NKAIN3: variants seen among roughly 807,000 people sequenced by gnomAD.
NKAIN3 encodes sodium/potassium-transporting ATPase subunit beta-1-interacting protein 3.
In NKAIN3, 25 loss-of-function variants were observed where a neutral mutation model predicts 30.2. That is an observed-to-expected ratio of 0.83 (90% CI 0.60 to 1.16). NKAIN3 has a LOEUF of 1.16. Ranked by LOEUF, NKAIN3 falls within the 50% of genes most tolerant of loss-of-function variation. The pLI is 0.00. For missense variants in NKAIN3, 225 were observed against 254.1 expected (o/e 0.89, Z 0.78); for synonymous variants, 91 against 89.6 (o/e 1.02, Z -0.09).
chr8:62,489,145 T>C (rs889454533), intron 1 of NKAIN3, among the ~76,000 whole-genome samples: 2 of 151,824 alleles, frequency 1.3e-5, no homozygotes. Context: ...GCCTCCCAAG[T>C]AGCTGGGACT....
At chr8:62,721,091 C>T (rs1815073912) in intron 3 of NKAIN3, among the ~76,000 whole-genome samples, 1 of 152,166 alleles carries the variant, frequency 6.6e-6, no homozygotes, top group South Asian at 2.1e-4. Context: ...ACACATGCTA[C>T]TCTATTCATT....
intron 1 of NKAIN3, among the ~76,000 whole-genome samples, chr8:62,274,843 GTGTT>G (rs1462899163): frequency 6.6e-6 from 1 of 150,842 alleles, no homozygotes; most frequent in Non-Finnish European, 1.5e-5. Flanking sequence ...AGAACATGCA[GTGTT>G]TGGTTTTTTG....
At chr8:62,571,326 G>A (rs1448598773) in intron 1 of NKAIN3, among the ~76,000 whole-genome samples, 1 of 152,004 alleles carries the variant, frequency 6.6e-6, no homozygotes, top group African/African-American at 2.4e-5. Flanking sequence ...AGTAGACCAG[G>A]GGTTTCACCA....
intron 5 of NKAIN3, among the ~76,000 whole-genome samples, chr8:62,996,958 C>T (rs763613210): frequency 5.9e-5 from 9 of 152,076 alleles, no homozygotes; most frequent in Non-Finnish European, 1.2e-4. Flanking sequence ...TCCAGGCACA[C>T]GGTGCAAGCT....
intron 3 of NKAIN3, among the ~76,000 whole-genome samples, chr8:62,665,445 T>TGATA (rs1264271808): frequency 1.8e-4 from 28 of 152,156 alleles, no homozygotes; most frequent in Non-Finnish European, 4.4e-5. Flanking sequence ...GTCCCACCAA[T>TGATA]GTGTTCACAC....
chr8:62,293,877 G>A (rs1813736030), intron 1 of NKAIN3, among the ~76,000 whole-genome samples: 1 of 152,270 alleles, frequency 6.6e-6, no homozygotes, highest in Admixed American at 6.5e-5. Context: ...AGCTGCAGTG[G>A]GCTCCACCCA....
chr8:62,437,186 A>G (rs953408734), intron 1 of NKAIN3, among the ~76,000 whole-genome samples: 2 of 152,138 alleles, frequency 1.3e-5, no homozygotes, highest in Non-Finnish European at 2.9e-5. Flanking sequence ...CTAAAAGTAT[A>G]TGAAAAGTCC....
chr8:62,753,806 C>T lies in NKAIN3; in HGVS notation c.471+6677C>T, dbSNP rs1333820510. On this transcript the variant is annotated intron_variant, in intron 4 of 6. Transcript: ENST00000623646. Reference sequence around the variant, plus strand: ...TAATTCAACAGAAAGAAACAGCTACCTGCATTATGTTCATTTCAGTGTTAT... The same window carrying T: ...TAATTCAACAGAAAGAAACAGCTACTTGCATTATGTTCATTTCAGTGTTAT... Among the ~76,000 whole-genome samples the T allele has an allele frequency of 2.0e-5, 3 of 152,102 alleles. No homozygotes were observed. The East Asian group carries it at 5.8e-4, about 29-fold the overall frequency.
At chr8:62,617,661 C>A (rs890546824) in intron 3 of NKAIN3, among the ~76,000 whole-genome samples, 3 of 152,148 alleles carry the variant, frequency 2.0e-5, no homozygotes, top group Non-Finnish European at 4.4e-5. Flanking sequence ...TAATTTAATC[C>A]TGGTCAGCCA....
intron 1 of NKAIN3, among the ~76,000 whole-genome samples, chr8:62,272,784 G>A (rs1812817755): frequency 6.6e-6 from 1 of 152,168 alleles, no homozygotes; most frequent in Admixed American, 6.6e-5. Context: ...AACACGTACA[G>A]CCCTAGCGGT....
At chr8:62,786,294 A>G (rs1026298049) in intron 4 of NKAIN3, among the ~76,000 whole-genome samples, 3 of 152,180 alleles carry the variant, frequency 2.0e-5, no homozygotes, top group Non-Finnish European at 4.4e-5. Flanking sequence ...AACACATTTA[A>G]CAGTATAGTA....
chr8:62,966,577 C>T lies in NKAIN3; in HGVS notation c.*1170C>T, dbSNP rs1444364530. On this transcript the variant is annotated 3_prime_UTR_variant, in exon 7 of 7. Coordinates refer to ENST00000623646, the MANE Select transcript of NKAIN3 (RefSeq NM_001304533.3). ...TCACTTTAAAAAATTCCCTTATGCC[C>T]TCTTTCAGGCAATGCCTACATTCTC... 6.1e-6 allele frequency: 1 copy of T among 164,688 alleles called. No individual in the cohort carries two copies. Among genetic ancestry groups the T allele is most frequent in the African/African-American group, 2.4e-5 (1 of 41,692 alleles). 10.2% of individuals were successfully genotyped at this position (164,688 alleles called of 1,614,324 possible). A position where few individuals can be genotyped will look rare whatever the true frequency, so the allele number is the denominator to read the frequency against.
chr8:62,303,260 A>T (rs1285949836), intron 1 of NKAIN3, among the ~76,000 whole-genome samples: 1 of 149,238 alleles, frequency 6.7e-6, no homozygotes, highest in African/African-American at 2.6e-5. Flanking sequence ...GGAATGATCC[A>T]CAGTGTGAGC....
intron 3 of NKAIN3, among the ~76,000 whole-genome samples, chr8:62,639,360 A>C (rs1453743429): frequency 6.6e-6 from 1 of 152,156 alleles, no homozygotes; most frequent in African/African-American, 2.4e-5. Context: ...AGACCACCAG[A>C]TTTGACAAAA....
At chr8:62,920,022 T>C (rs1822231093) in intron 5 of NKAIN3, among the ~76,000 whole-genome samples, 1 of 151,976 alleles carries the variant, frequency 6.6e-6, no homozygotes, top group African/African-American at 2.4e-5. Flanking sequence ...TTTTTAGGAG[T>C]TTTATTAGTA....
At chr8:62,943,765 T>C (rs1823042192) in intron 5 of NKAIN3, among the ~76,000 whole-genome samples, 1 of 148,084 alleles carries the variant, frequency 6.8e-6, no homozygotes, top group South Asian at 2.1e-4. Flanking sequence ...TGATATATTA[T>C]ATTATATATG....
intron 5 of NKAIN3, among the ~76,000 whole-genome samples, chr8:62,946,412 C>T (rs1404656465): frequency 6.6e-6 from 1 of 152,200 alleles, no homozygotes; most frequent in Non-Finnish European, 1.5e-5. Context: ...ATTCTTCAGA[C>T]AGGAGACAGC....
At chr8:62,270,470 A>G (rs1203196447) in intron 1 of NKAIN3, among the ~76,000 whole-genome samples, 2 of 152,088 alleles carry the variant, frequency 1.3e-5, no homozygotes, top group South Asian at 4.1e-4. Context: ...ATAGTTGTAT[A>G]TATTTATGAA....
intron 5 of NKAIN3, among the ~76,000 whole-genome samples, chr8:62,941,465 C>CT (rs1822951411): frequency 1.3e-5 from 2 of 151,864 alleles, no homozygotes; most frequent in Admixed American, 1.3e-4. Flanking sequence ...ACAACAAAAA[C>CT]TACAGACCAA....
Sources: gnomAD v4.1 joint callset for allele counts (sites outside exome capture counted in the v4.1 genomes callset) on GRCh38, gnomAD v4.1.1 for gene constraint, MANE v1.5 for transcripts, NCBI Gene and HGNC (gene_info 2026-07-23, HGNC 2026-07-21) for gene names.